Variants in WDR72 observed in about 807,000 individuals in gnomAD.
WDR72 encodes WD repeat domain 72.
Under a neutral mutation model 124.2 loss-of-function variants are expected in WDR72, and 120 were observed. That is an observed-to-expected ratio of 0.97 (90% CI 0.83 to 1.12). The LOEUF is 1.12. WDR72 is among the 50% of genes most tolerant of loss of function. The pLI is 0.00. For synonymous variants in WDR72, 452 were observed against 441.7 expected, an observed-to-expected ratio of 1.02 and a Z score of -0.29; for missense variants, 1,387 against 1,278.8, an observed-to-expected ratio of 1.08 and a Z score of -1.29.
chr15:53,756,732 A>G (rs1248764561), intron 1 of WDR72: 2 of 152,244 alleles, frequency 1.3e-5, no homozygotes, highest in African/African-American at 2.4e-5. Flanking sequence ...TGCGGTCCTC[A>G]TAATATCAAT....
chr15:53,759,020 T>A (rs1325554064), intron 1 of WDR72, among the ~76,000 whole-genome samples: 1 of 151,976 alleles, frequency 6.6e-6, no homozygotes, highest in Non-Finnish European at 1.5e-5. Flanking sequence ...GGCAAAAGTC[T>A]TGTCCCCGCA....
chr15:53,554,771 T>C (rs8034897), intron 18 of WDR72, among the ~76,000 whole-genome samples: 79,329 of 151,862 alleles, frequency 0.52, 21,112 homozygotes, highest in Middle Eastern at 0.62. Context: ...GAGCACTTCT[T>C]TGTCCCGTCT....
chr15:53,699,708 C>T, intron 13 of WDR72, 42 bp downstream of exon 13: 1 of 1,599,648 alleles, frequency 6.3e-7, no homozygotes, highest in Non-Finnish European at 8.6e-7. Flanking sequence ...GCTTGTACAT[C>T]ATAAATATAT....
intron 1 of WDR72, among the ~76,000 whole-genome samples, chr15:53,758,378 T>C (rs543409779): frequency 6.6e-6 from 1 of 152,276 alleles, no homozygotes; most frequent in South Asian, 2.1e-4. Context: ...TGGAACTCAA[T>C]ATAAAATATT....
intron 1 of WDR72, among the ~76,000 whole-genome samples, chr15:53,745,540 T>C (rs2018622485): frequency 1.3e-5 from 2 of 152,300 alleles, no homozygotes. Context: ...CAAATAAAGA[T>C]ATAAAATGCC....
intron 13 of WDR72, among the ~76,000 whole-genome samples, chr15:53,674,433 C>A (rs1342002687): frequency 1.3e-5 from 2 of 152,106 alleles, no homozygotes; most frequent in Non-Finnish European, 2.9e-5. Flanking sequence ...GACCTAGCAC[C>A]CCCTTTCTAT....
chr15:53,689,013 T>G (rs974256485), intron 13 of WDR72, among the ~76,000 whole-genome samples: 7 of 152,214 alleles, frequency 4.6e-5, no homozygotes, highest in South Asian at 2.1e-4. Flanking sequence ...GCTAGCCATA[T>G]GTAGAAAGCT....
At position 53,516,667 on chromosome 15, in the gene WDR72, A is replaced by G. The variant is rs1053696879; in HGVS notation, c.*1032T>C. The G allele has an allele frequency of 3.3e-5, 5 of 152,168 alleles. No homozygotes were observed. Among genetic ancestry groups the G allele is most frequent in the South Asian group, 2.1e-4 (1 of 4,826 alleles). 9.4% of individuals were successfully genotyped at this position (152,168 alleles called of 1,614,324 possible). On this transcript the variant is annotated 3_prime_UTR_variant, in exon 20 of 20. Transcript: ENST00000360509. Reference sequence around the variant, plus strand: ...TTGGACTTCCCTATTAGATACATAGATAGATAGATATAGCTATATATCACA... The same window carrying G: ...TTGGACTTCCCTATTAGATACATAGGTAGATAGATATAGCTATATATCACA...
intron 1 of WDR72, among the ~76,000 whole-genome samples, chr15:53,752,724 G>A (rs1016409063): frequency 1.3e-5 from 2 of 152,116 alleles, no homozygotes; most frequent in Non-Finnish European, 2.9e-5. Context: ...TTTCTTTCGA[G>A]TCAGAATGCA....
chr15:53,702,082 A>G (rs1193411988), intron 12 of WDR72, 52 bp downstream of exon 12: 7 of 1,368,174 alleles, frequency 5.1e-6, no homozygotes, highest in Non-Finnish European at 7.1e-6. Flanking sequence ...TAAGTATTCT[A>G]TAATTTATAT....
At chr15:53,762,131 C>T (rs1334826975), upstream of WDR72, among the ~76,000 whole-genome samples, 7 of 152,094 alleles carry the variant, frequency 4.6e-5, no homozygotes, top group Admixed American at 1.3e-4. Flanking sequence ...TTTAACTCCT[C>T]CTTTTTTTCA....
At chr15:53,687,338 G>A (rs1354417202) in intron 13 of WDR72, among the ~76,000 whole-genome samples, 1 of 150,392 alleles carries the variant, frequency 6.6e-6, no homozygotes, top group East Asian at 2.0e-4. Flanking sequence ...GAAAAAAAGA[G>A]AGAAGAATCA....
At chr15:53,712,045 G>A (rs546787130) in intron 7 of WDR72, among the ~76,000 whole-genome samples, 5 of 152,254 alleles carry the variant, frequency 3.3e-5, no homozygotes, top group African/African-American at 4.8e-5. Flanking sequence ...TAAAACAAAT[G>A]TAGTGACAAA....
At chr15:53,717,955 G>A (rs953363598) in intron 3 of WDR72, among the ~76,000 whole-genome samples, 7 of 151,962 alleles carry the variant, frequency 4.6e-5, no homozygotes, top group African/African-American at 1.7e-4. Context: ...TTGGGAGGAA[G>A]GTAGATATTG....
At chr15:53,620,032 G>T (rs187572441) in intron 14 of WDR72, among the ~76,000 whole-genome samples, 1 of 151,972 alleles carries the variant, frequency 6.6e-6, no homozygotes, top group Admixed American at 6.6e-5. Context: ...AGTGTAAGTT[G>T]GCACTTATTT....
chr15:53,745,157 GA>G (rs34318812), intron 1 of WDR72, among the ~76,000 whole-genome samples: 16,322 of 149,364 alleles, frequency 0.11, 1,217 homozygotes, highest in African/African-American at 0.22. Context: ...CTATAAAATG[GA>G]AAAAAAAAAT....
intron 1 of WDR72, among the ~76,000 whole-genome samples, chr15:53,736,042 G>T (rs1048627000): frequency 4.6e-5 from 7 of 151,508 alleles, no homozygotes; most frequent in Non-Finnish European, 7.4e-5. Flanking sequence ...AATACAGCAA[G>T]AAGTCATTAA....
intron 1 of WDR72, among the ~76,000 whole-genome samples, chr15:53,748,440 T>C (rs2140891296): frequency 6.6e-6 from 1 of 152,330 alleles, no homozygotes; most frequent in East Asian, 1.9e-4. Flanking sequence ...TGAGGTTTAA[T>C]GTACAGGTTA....
At chr15:53,753,379 C>A (rs1232971613) in intron 1 of WDR72, among the ~76,000 whole-genome samples, 1 of 152,226 alleles carries the variant, frequency 6.6e-6, no homozygotes, top group Non-Finnish European at 1.5e-5. Context: ...ATCAGGAATA[C>A]CTGCCAGGGA....
Sources: allele counts gnomAD v4.1 joint callset (sites outside exome capture counted in the v4.1 genomes callset), GRCh38; gene constraint gnomAD v4.1.1; transcripts MANE v1.5; gene names NCBI Gene and HGNC (gene_info 2026-07-23, HGNC 2026-07-21).